The following SPAG16 variants were observed in gnomAD, a reference collection of about 807,000 sequenced individuals.
SPAG16 encodes the protein sperm associated antigen 16, also known as sperm-associated antigen 16 protein.
A neutral mutation model predicts 80.4 loss-of-function variants in SPAG16; 86 were observed. The observed-to-expected ratio is 1.07, with a 90% confidence interval of 0.90 to 1.28. The LOEUF (loss-of-function observed/expected upper bound fraction) is 1.28. SPAG16 is among the 50% of genes most tolerant of loss of function. SPAG16 has a pLI of 0.00. For synonymous variants in SPAG16, 294 were observed against 265.9 expected (o/e 1.11, Z -1.03); for missense variants, 870 against 765.3 (o/e 1.14, Z -1.61).
At chr2:213,368,273 T>C (rs2066430837) in intron 8 of SPAG16, among the ~76,000 whole-genome samples, 1 of 152,220 alleles carries the variant, frequency 6.6e-6, no homozygotes, top group East Asian at 1.9e-4. Flanking sequence ...CTATGTAGGC[T>C]CTTTTTTGGA....
At chr2:213,373,309 T>C (rs2066733862) in intron 8 of SPAG16, among the ~76,000 whole-genome samples, 1 of 152,180 alleles carries the variant, frequency 6.6e-6, no homozygotes, top group South Asian at 2.1e-4. Context: ...GTAAAAGTGA[T>C]GCTTATTTGC....
Position 213,738,355 on chromosome 2 carries a change from G to A in SPAG16, c.1071-124130G>A, listed in dbSNP as rs547542352. On this transcript the variant is annotated intron_variant, in intron 10 of 15. Coordinates refer to ENST00000331683, the MANE Select transcript of SPAG16 (RefSeq NM_024532.5). ...TTTAATTTATAAATTAGGCAAGGTAGGAGATTAATGACCAGTTATTCAGAA... is the reference window on the plus strand; with the variant it reads ...TTTAATTTATAAATTAGGCAAGGTAAGAGATTAATGACCAGTTATTCAGAA... Among the ~76,000 whole-genome samples the A allele has an allele frequency of 2.6e-5, 4 of 152,138 alleles. No individual in the cohort carries two copies. In the East Asian group the frequency reaches 7.7e-4, roughly 29 times the overall value.
At chr2:214,213,061 A>G (rs946968314) in intron 15 of SPAG16, among the ~76,000 whole-genome samples, 4 of 152,194 alleles carry the variant, frequency 2.6e-5, no homozygotes, top group Non-Finnish European at 5.9e-5. Context: ...TGCCTGAACA[A>G]CTCAGACTCA....
intron 10 of SPAG16, among the ~76,000 whole-genome samples, chr2:213,809,414 C>T (rs910876801): frequency 1.3e-5 from 2 of 152,138 alleles, no homozygotes; most frequent in Non-Finnish European, 1.5e-5. Context: ...ATTGTCCATG[C>T]AACCCACAGG....
At chr2:214,268,992 T>C (rs185842726) in intron 15 of SPAG16, among the ~76,000 whole-genome samples, 1 of 152,194 alleles carries the variant, frequency 6.6e-6, no homozygotes, top group East Asian at 1.9e-4. Flanking sequence ...CTTTCATTTA[T>C]AGAAAGAAAC....
chr2:213,358,361 T>G (rs2065787439), intron 7 of SPAG16, among the ~76,000 whole-genome samples: 1 of 152,192 alleles, frequency 6.6e-6, no homozygotes, highest in Non-Finnish European at 1.5e-5. Flanking sequence ...TTTTCTAACT[T>G]GGTTCCATTC....
chr2:213,767,655 T>TCACATA lies in SPAG16; in HGVS notation c.1071-94826_1071-94825insTACACA, dbSNP rs2069010452. 2.0e-5 allele frequency among the ~76,000 whole-genome samples: 3 copies of TCACATA among 147,776 alleles called. No individual in the cohort carries two copies. In the South Asian group the frequency reaches 6.7e-4, roughly 33 times the overall value. ...TGAAAAAAAAAGAGAACAACATACT[T>TCACATA]CACACACACACACACACACACACAA... On this transcript the variant is annotated intron_variant, in intron 10 of 15. Transcript: ENST00000331683.
chr2:213,929,178 T>G (rs1436872074), intron 11 of SPAG16, among the ~76,000 whole-genome samples: 1 of 151,814 alleles, frequency 6.6e-6, no homozygotes, highest in Admixed American at 6.6e-5. Context: ...CATGCCCGGC[T>G]AGTTTTTGTA....
chr2:214,299,673 A>G (rs545589694), intron 15 of SPAG16, among the ~76,000 whole-genome samples: 25 of 152,340 alleles, frequency 1.6e-4, no homozygotes, highest in African/African-American at 6.0e-4. Context: ...TGCATAAAAT[A>G]CAGCAAAAAT....
At chr2:213,644,799 A>G (rs1421649458) in intron 10 of SPAG16, among the ~76,000 whole-genome samples, 1 of 152,234 alleles carries the variant, frequency 6.6e-6, no homozygotes, top group Non-Finnish European at 1.5e-5. Flanking sequence ...GTACTGGGTC[A>G]GACCTAAAGA....
At chr2:213,742,495 A>G (rs80038001) in intron 10 of SPAG16, among the ~76,000 whole-genome samples, 2,377 of 151,906 alleles carry the variant, frequency 0.016, 30 homozygotes, top group South Asian at 0.05. Context: ...ATAAAATTAT[A>G]AATACCTCTA....
chr2:213,979,919 T>A (rs1422770296), intron 12 of SPAG16, among the ~76,000 whole-genome samples: 3 of 152,062 alleles, frequency 2.0e-5, no homozygotes, highest in African/African-American at 7.2e-5. Flanking sequence ...AGCCTTCAAT[T>A]TCTATCTTAC....
chr2:214,023,185 T>C (rs1485776942), intron 13 of SPAG16, among the ~76,000 whole-genome samples: 4 of 151,960 alleles, frequency 2.6e-5, no homozygotes, highest in Non-Finnish European at 5.9e-5. Flanking sequence ...GGCCTTTGTT[T>C]TCCAAGTAAC....
chr2:213,644,616 T>G (rs1269587371), intron 10 of SPAG16, among the ~76,000 whole-genome samples: 1 of 152,216 alleles, frequency 6.6e-6, no homozygotes, highest in Non-Finnish European at 1.5e-5. Flanking sequence ...TCCTTCACAG[T>G]CTTGGACAAG....
At chr2:213,677,515 CAAAG>C (rs1355697466) in intron 10 of SPAG16, among the ~76,000 whole-genome samples, 7 of 151,846 alleles carry the variant, frequency 4.6e-5, no homozygotes, top group Non-Finnish European at 8.8e-5. Flanking sequence ...TCAAAAGAGA[CAAAG>C]AAGGCCATTA....
chr2:213,965,881 G>A (rs1025906963), intron 12 of SPAG16, among the ~76,000 whole-genome samples: 1 of 152,188 alleles, frequency 6.6e-6, no homozygotes, highest in African/African-American at 2.4e-5. Flanking sequence ...TACTCTATGA[G>A]TGGAGTGCTG....
intron 10 of SPAG16, among the ~76,000 whole-genome samples, chr2:213,800,312 TTCCCTCCC>T (rs71397194): frequency 1.4e-5 from 2 of 142,496 alleles, no homozygotes; most frequent in South Asian, 2.3e-4. Context: ...CCCTTTCTCC[TTCCCTCCC>T]TCCCTCCCTC....
chr2:213,748,489 A>G (rs891589554), intron 10 of SPAG16, among the ~76,000 whole-genome samples: 1 of 152,080 alleles, frequency 6.6e-6, no homozygotes, highest in Non-Finnish European at 1.5e-5. Flanking sequence ...ATAATTAATA[A>G]GTTTTATTTC....
At chr2:213,679,536 T>C (rs2064273304) in intron 10 of SPAG16, among the ~76,000 whole-genome samples, 1 of 122,776 alleles carries the variant, frequency 8.1e-6, no homozygotes, top group African/African-American at 3.6e-5. Flanking sequence ...TAAATACATT[T>C]TAAAAACGTG....
Sources: gnomAD v4.1 joint callset for allele counts (sites outside exome capture counted in the v4.1 genomes callset) on GRCh38, gnomAD v4.1.1 for gene constraint, MANE v1.5 for transcripts, NCBI Gene and HGNC (gene_info 2026-07-23, HGNC 2026-07-21) for gene names.